Variants in GGACT observed in about 807,000 individuals in gnomAD.
GGACT encodes gamma-glutamylaminecyclotransferase.
For synonymous variants in GGACT, 118 were observed against 115.3 expected, an observed-to-expected ratio of 1.02 and a Z score of -0.15; for missense variants, 241 against 233.2, an observed-to-expected ratio of 1.03 and a Z score of -0.22.
chr13:100,570,856 G>A (rs559628479), intron 2 of GGACT, among the ~76,000 whole-genome samples: 30 of 152,046 alleles, frequency 2.0e-4, no homozygotes, highest in Non-Finnish European at 3.5e-4. Context: ...CCAAAAACGT[G>A]GAATCTTAGG....
chr13:100,550,298 C>CCA (rs2088646391), intron 2 of GGACT, among the ~76,000 whole-genome samples: 5 of 126,038 alleles, frequency 4.0e-5, no homozygotes, highest in Admixed American at 8.8e-5. Flanking sequence ...CGATTATACT[C>CCA]TACACACACA....
intron 2 of GGACT, among the ~76,000 whole-genome samples, chr13:100,568,939 A>G (rs1390557116): frequency 2.6e-5 from 4 of 152,270 alleles, no homozygotes. Flanking sequence ...ATTAAATCTT[A>G]AAGTTCCAAA....
intron 2 of GGACT, among the ~76,000 whole-genome samples, chr13:100,551,308 G>GTA (rs1329229552): frequency 6.6e-6 from 1 of 151,964 alleles, no homozygotes; most frequent in Non-Finnish European, 1.5e-5. Context: ...AACCCATAAT[G>GTA]TATATATACA....
At chr13:100,540,842 T>C (rs2153012922) in intron 2 of GGACT, among the ~76,000 whole-genome samples, 1 of 152,344 alleles carries the variant, frequency 6.6e-6, no homozygotes, top group Non-Finnish European at 1.5e-5. Flanking sequence ...CTGTGATTCA[T>C]TCTGGCTGAG....
intron 2 of GGACT, among the ~76,000 whole-genome samples, chr13:100,554,358 G>A (rs1447884365): frequency 6.6e-6 from 1 of 152,198 alleles, no homozygotes; most frequent in Non-Finnish European, 1.5e-5. Context: ...CAGAATGTGA[G>A]GCATTTTAGG....
At chr13:100,578,004 G>C (rs1053962010) in intron 2 of GGACT, among the ~76,000 whole-genome samples, 8 of 152,140 alleles carry the variant, frequency 5.3e-5, no homozygotes, top group African/African-American at 1.9e-4. Context: ...TATTTACTCA[G>C]GCACAACTAA....
chr13:100,535,927 G>A (rs1334617484), intron 2 of GGACT: 1 of 151,956 alleles, frequency 6.6e-6, no homozygotes, highest in Non-Finnish European at 1.5e-5. Flanking sequence ...CTCTAGTCTG[G>A]GCTCTCTGTG....
chr13:100,541,378 C>G (rs2088553139), intron 2 of GGACT, among the ~76,000 whole-genome samples: 1 of 152,170 alleles, frequency 6.6e-6, no homozygotes, highest in South Asian at 2.1e-4. Flanking sequence ...CAAGTGATTT[C>G]AAGTTCTTGA....
Position 100,534,997 on chromosome 13 carries a change from C to G in GGACT, c.-10-2396G>C, listed in dbSNP as rs1383010167. Among the ~76,000 whole-genome samples, 3 of 152,234 alleles carry G rather than the reference C, an allele frequency of 2.0e-5. No homozygotes were observed. The highest frequency in any genetic ancestry group is 3.9e-4 in the East Asian group (2 of 5,192). On this transcript the variant is annotated intron_variant, in intron 2 of 2. Coordinates refer to ENST00000683975, the MANE Select transcript of GGACT (RefSeq NM_001195087.2). This position sits in a 1 kb window ranked among gnomAD's most constrained non-coding sequence, Gnocchi z 4.9. ...TGGTTGTCGTTATAGCACACGTGCT[C>G]TCTAAATCACTGGTCTTGTTTGTTG...
chr13:100,539,059 G>A (rs901140259), intron 2 of GGACT: 3 of 152,198 alleles, frequency 2.0e-5, no homozygotes, highest in African/African-American at 7.2e-5. Flanking sequence ...TGTGAATTTT[G>A]TCTCCTGCAA....
At chr13:100,533,983 G>A (rs2088455290) in intron 2 of GGACT, among the ~76,000 whole-genome samples, 1 of 152,230 alleles carries the variant, frequency 6.6e-6, no homozygotes, top group Admixed American at 6.5e-5. Flanking sequence ...GGCTATCCAG[G>A]AAACAGCAGC....
intron 2 of GGACT, chr13:100,536,531 A>G (rs1244566372): frequency 5.4e-5 from 8 of 148,292 alleles, no homozygotes; most frequent in Non-Finnish European, 8.9e-5. Flanking sequence ...CTTCTTGTTC[A>G]TTCACAGGCT....
chr13:100,542,782 C>A lies in GGACT; in HGVS notation c.-10-10181G>T, dbSNP rs189015624. Among the ~76,000 whole-genome samples, 11 of 152,280 alleles carry A rather than the reference C, an allele frequency of 7.2e-5. 2 individuals carry two copies. In the East Asian group the frequency reaches 1.7e-3, roughly 24 times the overall value. ...AGAGTCTCCAAAAGCTTTAGATCAGCAAAATCTGGTTTCCCATTGCCAATA... is the reference window on the plus strand; with the variant it reads ...AGAGTCTCCAAAAGCTTTAGATCAGAAAAATCTGGTTTCCCATTGCCAATA... On this transcript the variant is annotated intron_variant, in intron 2 of 2. Transcript: ENST00000683975.
intron 2 of GGACT, among the ~76,000 whole-genome samples, chr13:100,553,926 T>G (rs1176764077): frequency 6.6e-6 from 1 of 151,608 alleles, no homozygotes; most frequent in Non-Finnish European, 1.5e-5. Flanking sequence ...ACAGGAATCT[T>G]GCACTCTTCT....
At chr13:100,582,341 G>T (rs948240353) in intron 2 of GGACT, among the ~76,000 whole-genome samples, 1 of 152,146 alleles carries the variant, frequency 6.6e-6, no homozygotes, top group Admixed American at 6.5e-5. Flanking sequence ...TCCCTGCCAA[G>T]GACTCAGCCA....
At chr13:100,554,497 C>T (rs963887824) in intron 2 of GGACT, among the ~76,000 whole-genome samples, 4 of 152,096 alleles carry the variant, frequency 2.6e-5, no homozygotes, top group Non-Finnish European at 4.4e-5. Flanking sequence ...GAAGATATGA[C>T]CTATACACAA....
At chr13:100,573,133 C>T (rs1179383107) in intron 2 of GGACT, among the ~76,000 whole-genome samples, 1 of 152,140 alleles carries the variant, frequency 6.6e-6, no homozygotes, top group East Asian at 1.9e-4. Flanking sequence ...GCGGCATCTT[C>T]CCAGTTTCCT....
rs148313799 is a variant in GGACT at position 100,567,476 on chromosome 13, C to T, written c.-11+16349G>A. On this transcript the variant is annotated intron_variant, in intron 2 of 2. Coordinates refer to ENST00000683975, the MANE Select transcript of GGACT (RefSeq NM_001195087.2). ...CTGGTTCAAGATGTTCCAGGCTCATCTTAGACTTTCCCTGTCCCAGCCCTG... is the reference window on the plus strand; with the variant it reads ...CTGGTTCAAGATGTTCCAGGCTCATTTTAGACTTTCCCTGTCCCAGCCCTG... 3.6e-3 allele frequency among the ~76,000 whole-genome samples: 554 copies of T among 152,334 alleles called. 3 individuals carry two copies. The highest frequency in any genetic ancestry group is 0.01 in the Middle Eastern group (3 of 294).
At position 100,531,200 on chromosome 13, in the gene GGACT, C is replaced by T. The variant is rs2088367900; in HGVS notation, c.*930G>A. On this transcript the variant is annotated 3_prime_UTR_variant, in exon 3 of 3. Coordinates refer to ENST00000683975, the MANE Select transcript of GGACT (RefSeq NM_001195087.2). The stretch of plus-strand genomic sequence containing the variant: ...GTGCACCGAGTTGAATCGATGCTGA[C>T]AATTATCAGATGGAGGTGGGTAGTA... The T allele has an allele frequency of 6.6e-6, 1 of 152,206 alleles. No individual in the cohort carries two copies. The highest frequency in any genetic ancestry group is 2.4e-5 in the African/African-American group (1 of 41,426). The allele number at this position is 152,206 out of a possible 1,614,324, so 9.4% of individuals were successfully genotyped here.
Sources: gnomAD v4.1 joint callset for allele counts (sites outside exome capture counted in the v4.1 genomes callset) on GRCh38, gnomAD v4.1.1 for gene constraint, Gnocchi (gnomAD v3.1) non-coding constraint, MANE v1.5 for transcripts, NCBI Gene and HGNC (gene_info 2026-07-23, HGNC 2026-07-21) for gene names.